The following UNC13B variants were observed in gnomAD, a reference collection of about 807,000 sequenced individuals.
UNC13B encodes the protein unc-13 homolog B, also known as protein unc-13 homolog B.
Under a neutral mutation model 211.0 loss-of-function variants are expected in UNC13B, and 144 were observed. The observed-to-expected ratio is 0.68, with a 90% CI of 0.60 to 0.78. The LOEUF (loss-of-function observed/expected upper bound fraction) is 0.78. Among genes scored for constraint, UNC13B ranks in the 30% least tolerant of loss-of-function variants. The pLI, the probability that UNC13B is intolerant of heterozygous loss-of-function variation, is 0.00. For synonymous variants in UNC13B, 709 were observed against 725.8 expected (o/e 0.98, Z 0.37); for missense variants, 1,777 against 2,002.0 (o/e 0.89, Z 2.14).
chr9:35,328,806 C>T (rs191940443), intron 11 of UNC13B, among the ~76,000 whole-genome samples: 3 of 150,800 alleles, frequency 2.0e-5, no homozygotes, highest in South Asian at 2.1e-4. Context: ...CTGGCTCTGT[C>T]GCCCAGGCTG....
At chr9:35,259,163 GAT>G in intron 7 of UNC13B, 113 bp downstream of exon 7, 1 of 1,090,304 alleles carries the variant, frequency 9.2e-7, no homozygotes, top group Non-Finnish European at 1.4e-6. Flanking sequence ...GTAAGCAGAA[GAT>G]ATTCCTGAAG....
intron 11 of UNC13B, among the ~76,000 whole-genome samples, chr9:35,343,396 G>A (rs1012126887): frequency 6.6e-6 from 1 of 152,212 alleles, no homozygotes; most frequent in Non-Finnish European, 1.5e-5. Flanking sequence ...AGGTTTCTAA[G>A]TTTTCCATGT....
chr9:35,342,526 T>A (rs1028219271), intron 11 of UNC13B, among the ~76,000 whole-genome samples: 9 of 152,166 alleles, frequency 5.9e-5, no homozygotes, highest in African/African-American at 2.2e-4. Flanking sequence ...AATCTTCACA[T>A]GCATGTATTT....
chr9:35,382,116 G>A (rs557277634), intron 20 of UNC13B, among the ~76,000 whole-genome samples: 1 of 152,316 alleles, frequency 6.6e-6, no homozygotes, highest in African/African-American at 2.4e-5. Context: ...AGGGAAAGCA[G>A]CTGTGTATGG....
intron 7 of UNC13B, 104 bp downstream of exon 7, chr9:35,259,154 T>C (rs1827109883): frequency 8.5e-7 from 1 of 1,174,140 alleles, no homozygotes; most frequent in South Asian, 1.3e-5. Flanking sequence ...GTCATGTGTG[T>C]AAGCAGAAGA....
intron 11 of UNC13B, chr9:35,361,481 C>T (rs1833407913): frequency 6.6e-6 from 1 of 152,104 alleles, no homozygotes; most frequent in Admixed American, 6.5e-5. Flanking sequence ...TCTGGTTGGG[C>T]AAGAGACACT....
In UNC13B at chr9:35,162,580, G is replaced by T. The variant is rs528771407; in HGVS notation, c.22+275G>T. On this transcript the variant is annotated intron_variant, in intron 1 of 39. Coordinates refer to ENST00000635942, the MANE Select transcript of UNC13B (RefSeq NM_001371189.2). ...CAGATCCTATTAAACAGTGACTGGGGTTCTCTAGTGAGAGTGGACGAGTTA... is the reference window on the plus strand; with the variant it reads ...CAGATCCTATTAAACAGTGACTGGGTTTCTCTAGTGAGAGTGGACGAGTTA... 2.8e-4 allele frequency among the ~76,000 whole-genome samples: 42 copies of T among 152,354 alleles called. 1 individual carries two copies. The highest frequency in any genetic ancestry group is 3.7e-4 in the Non-Finnish European group (25 of 68,030).
rs372842465 is a variant in UNC13B at position 35,209,737 on chromosome 9, C to T, written c.23-18278C>T. On this transcript the variant is annotated intron_variant, in intron 1 of 39. Transcript: ENST00000635942. Reference sequence around the variant, plus strand: ...AGTTCTATACATTGCTGCTGTTTTTCATTCCCTTTTCTACCCCCTTCTTTT... The same window carrying T: ...AGTTCTATACATTGCTGCTGTTTTTTATTCCCTTTTCTACCCCCTTCTTTT... 7.6e-4 allele frequency among the ~76,000 whole-genome samples: 116 copies of T among 152,320 alleles called. 2 individuals carry two copies. In the South Asian group the frequency reaches 0.019, roughly 25 times the overall value.
chr9:35,192,107 GT>G (rs1444188750), intron 1 of UNC13B, among the ~76,000 whole-genome samples: 1 of 152,168 alleles, frequency 6.6e-6, no homozygotes, highest in Admixed American at 6.5e-5. Flanking sequence ...CAGGCTTCTA[GT>G]TCCTTTTCCC....
At chr9:35,205,461 CTG>C (rs1481561550) in intron 1 of UNC13B, among the ~76,000 whole-genome samples, 2 of 152,160 alleles carry the variant, frequency 1.3e-5, no homozygotes, top group Non-Finnish European at 2.9e-5. Flanking sequence ...AGTTGTGTAA[CTG>C]TCACCACAAT....
chr9:35,329,043 T>A (rs1831217427), intron 11 of UNC13B, among the ~76,000 whole-genome samples: 1 of 152,000 alleles, frequency 6.6e-6, no homozygotes, highest in South Asian at 2.1e-4. Context: ...AGTGCTGGGA[T>A]TACATGCGTG....
intron 13 of UNC13B, 66 bp from the exon 14 acceptor site, chr9:35,375,061 C>A: frequency 6.4e-7 from 1 of 1,563,652 alleles, no homozygotes; most frequent in Non-Finnish European, 8.8e-7. Context: ...GTCACTGAAG[C>A]TCCCTCCCCC....
rs1344864350 is a variant in UNC13B at position 35,306,562 on chromosome 9, C to T, written c.7158C>T (p.Phe2386=). Residue 2386 remains phenylalanine (F), a synonymous_variant, in exon 9 of 40, where the codon TTC becomes TTT. Transcript: ENST00000635942. ...FSHAKQLIEK[F]NDLDTCTNCH... ...ATGCTAAACAGTTAATTGAAAAATTCAATGATTTAGACACTTGTACTAACT... is the reference window on the plus strand; with the variant it reads ...ATGCTAAACAGTTAATTGAAAAATTTAATGATTTAGACACTTGTACTAACT... 2.0e-5 allele frequency: 8 copies of T among 398,798 alleles called. No individual in the cohort carries two copies. The highest frequency in any genetic ancestry group is 3.5e-5 in the Non-Finnish European group (8 of 226,062). The allele number at this position is 398,798 out of a possible 1,614,324, so 24.7% of individuals were successfully genotyped here. A position where few individuals can be genotyped will look rare whatever the true frequency, so the allele number is the denominator to read the frequency against.
At chr9:35,184,446 G>A (rs900610454) in intron 1 of UNC13B, among the ~76,000 whole-genome samples, 6 of 152,320 alleles carry the variant, frequency 3.9e-5, no homozygotes, top group Non-Finnish European at 7.3e-5. Context: ...GCGAGACTCC[G>A]TCTGCAATCC....
At chr9:35,220,764 G>A (rs1339325030) in intron 1 of UNC13B, among the ~76,000 whole-genome samples, 2 of 151,880 alleles carry the variant, frequency 1.3e-5, no homozygotes, top group Non-Finnish European at 2.9e-5. Context: ...CCTTTTTTGG[G>A]GTATATACCT....
chr9:35,300,591 C>T lies in UNC13B; in HGVS notation c.1187C>T (p.Pro396Leu), dbSNP rs1445328040. ...GATAAGCAGGAAAATTTACAGTCAC[C>T]AACATGGCATTCATCCAATGTCCAC... Reference protein sequence around the residue: ...ISDKQENLQSPTWHSSNVHHI... With the variant: ...ISDKQENLQSLTWHSSNVHHI... The change falls in exon 9 of 40, where the codon CCA becomes CTA. Residue 396 changes from proline to leucine, a missense_variant. Physicochemically the swap from Pro to Leu is moderately conservative, Grantham distance 98. Transcript: ENST00000635942. The T allele has an allele frequency of 5.0e-6, 2 of 398,836 alleles. No homozygotes were observed. Among genetic ancestry groups the T allele is most frequent in the African/African-American group, 4.1e-5 (2 of 48,616 alleles). The allele number at this position is 398,836 out of a possible 1,614,324, so 24.7% of individuals were successfully genotyped here. A position where few individuals can be genotyped will look rare whatever the true frequency, so the allele number is the denominator to read the frequency against.
chr9:35,367,831 T>G (rs892123530), intron 12 of UNC13B, among the ~76,000 whole-genome samples: 3 of 152,192 alleles, frequency 2.0e-5, no homozygotes, highest in Non-Finnish European at 4.4e-5. Flanking sequence ...TAACTGACTG[T>G]TCTTAAAGAG....
intron 1 of UNC13B, among the ~76,000 whole-genome samples, chr9:35,227,444 C>G (rs1197216200): frequency 6.6e-6 from 1 of 152,020 alleles, no homozygotes; most frequent in African/African-American, 2.4e-5. Context: ...CATGTATGGT[C>G]TTTGACCTTT....
chr9:35,206,244 A>G (rs1352069735), intron 1 of UNC13B, among the ~76,000 whole-genome samples: 3 of 152,178 alleles, frequency 2.0e-5, no homozygotes, highest in African/African-American at 2.4e-5. Context: ...GTCACATAAC[A>G]TACAATTAAC....
Sources: gnomAD v4.1 joint callset for allele counts (sites outside exome capture counted in the v4.1 genomes callset) on GRCh38, gnomAD v4.1.1 for gene constraint, MANE v1.5 for transcripts, NCBI Gene and HGNC (gene_info 2026-07-23, HGNC 2026-07-21) for gene names.